The following MAK variants were observed in gnomAD, a reference collection of about 807,000 sequenced individuals.
MAK encodes the protein male germ cell associated kinase.
Under a neutral mutation model 82.6 loss-of-function variants are expected in MAK, and 65 were observed. The ratio of observed to expected loss-of-function variants is 0.79; its 90% CI spans 0.64 to 0.97. The LOEUF (loss-of-function observed/expected upper bound fraction) is 0.97, where lower values mean the gene tolerates loss of function less well. Among genes scored for constraint, MAK ranks in the 50% least tolerant of loss-of-function variants. The pLI, the probability that MAK is intolerant of heterozygous loss-of-function variation, is 0.00. For synonymous variants in MAK, 250 were observed against 274.2 expected (o/e 0.91, Z 0.87); for missense variants, 703 against 780.2 (o/e 0.90, Z 1.18).
chr6:10,819,006 T>C, intron 2 of MAK, 66 bp from the exon 3 acceptor site: 4 of 881,824 alleles, frequency 4.5e-6, no homozygotes, highest in East Asian at 2.5e-5. Context: ...ATTACACTGT[T>C]GGCTTTCTTA....
chr6:10,816,546 C>A (rs185819240), intron 4 of MAK, among the ~76,000 whole-genome samples: 1 of 152,116 alleles, frequency 6.6e-6, no homozygotes, highest in East Asian at 1.9e-4. Flanking sequence ...ATAATCCCAC[C>A]ACCTGATTAA....
At chr6:10,815,755 C>T (rs948157388) in intron 4 of MAK, among the ~76,000 whole-genome samples, 2 of 151,726 alleles carry the variant, frequency 1.3e-5, no homozygotes, top group African/African-American at 4.9e-5. Flanking sequence ...AGCCATCAAG[C>T]TTGGAGTAAA....
rs567659044 is a variant in MAK at position 10,805,746 on chromosome 6, G to A, written c.492-1855C>T. ...AAGTGAGAACTTACTATACTTTGAC[G>A]AATATTTTTACAAGCTTTATTGATA... On this transcript the variant is annotated intron_variant, in intron 6 of 14. Transcript: ENST00000354489. Among the ~76,000 whole-genome samples the A allele has an allele frequency of 9.2e-5, 14 of 152,216 alleles. No individual in the cohort carries two copies. The South Asian group carries it at 2.9e-3, about 32-fold the overall frequency.
chr6:10,770,205 G>A lies in MAK; in HGVS notation c.1698C>T (p.Tyr566=). 1 of 1,614,100 alleles carries A rather than the reference G, an allele frequency of 6.2e-7. No homozygotes were observed. The highest frequency in any genetic ancestry group is 8.5e-7 in the Non-Finnish European group (1 of 1,180,002). ...PQGNLGSYAT[Y]NQSGYIPSFL... ...AGGAAGGAATATATCCTGACTGATT[G>A]TAAGTAGCATAACTTCCAAGATTTC... Residue 566 remains tyrosine, a synonymous_variant, in exon 14 of 15, where the codon TAC becomes TAT. Coordinates refer to ENST00000354489, the MANE Select transcript of MAK (RefSeq NM_001242957.3).
intron 2 of MAK, among the ~76,000 whole-genome samples, chr6:10,824,196 G>A (rs1778182060): frequency 6.6e-6 from 1 of 152,142 alleles, no homozygotes; most frequent in South Asian, 2.1e-4. Flanking sequence ...TGATAACCCT[G>A]CCAGTAGCCT....
At chr6:10,835,733 G>A (rs1779107599) in intron 1 of MAK, among the ~76,000 whole-genome samples, 1 of 152,230 alleles carries the variant, frequency 6.6e-6, no homozygotes, top group South Asian at 2.1e-4. Flanking sequence ...GGGAATGGAA[G>A]AGGGAGCTGC....
At chr6:10,779,831 C>T (rs980013992) in intron 11 of MAK, among the ~76,000 whole-genome samples, 1 of 152,062 alleles carries the variant, frequency 6.6e-6, no homozygotes, top group African/African-American at 2.4e-5. Context: ...ATTACAGGCA[C>T]CCGCCACCAT....
At chr6:10,823,050 T>C (rs780236697) in intron 2 of MAK, among the ~76,000 whole-genome samples, 51 of 152,356 alleles carry the variant, frequency 3.3e-4, no homozygotes, top group Admixed American at 9.8e-4. Flanking sequence ...CAGTTTTGAC[T>C]GCATTTCTAG....
At chr6:10,832,674 A>G (rs1165622660) in intron 1 of MAK, among the ~76,000 whole-genome samples, 1 of 151,824 alleles carries the variant, frequency 6.6e-6, no homozygotes, top group African/African-American at 2.4e-5. Context: ...ATTTTTTGTA[A>G]TTTTAGTAGA....
At chr6:10,801,041 T>TTTTTTTTTTTTTTTTTTTTTTTTGAG (rs1561969888) in intron 8 of MAK, among the ~76,000 whole-genome samples, 1 of 152,084 alleles carries the variant, frequency 6.6e-6, no homozygotes. Flanking sequence ...TGTCAATTCT[T>TTTTTTTTTTTTTTTTTTTTTTTTGAG]ATGCCAGTAC....
At chr6:10,810,833 G>C (rs1776873136) in intron 5 of MAK, among the ~76,000 whole-genome samples, 1 of 152,100 alleles carries the variant, frequency 6.6e-6, no homozygotes, top group Non-Finnish European at 1.5e-5. Context: ...ACAGGAATGG[G>C]ACCATGTGAT....
chr6:10,775,288 G>A, intron 12 of MAK, 40 bp downstream of exon 12: 14 of 1,606,312 alleles, frequency 8.7e-6, no homozygotes, highest in Non-Finnish European at 1.2e-5. Flanking sequence ...CCTCTATAAA[G>A]GAAAACCCCG....
At chr6:10,771,779 A>T (rs1266958380) in intron 13 of MAK, among the ~76,000 whole-genome samples, 1 of 152,244 alleles carries the variant, frequency 6.6e-6, no homozygotes, top group Admixed American at 6.5e-5. Flanking sequence ...GTTTAACCCT[A>T]CTGAATTTTG....
chr6:10,791,901 A>G, intron 9 of MAK, 54 bp from the exon 10 acceptor site: 1 of 1,568,236 alleles, frequency 6.4e-7, no homozygotes, highest in African/African-American at 1.3e-5. Flanking sequence ...AATGCCTTTC[A>G]TGCACAAGCT....
At chr6:10,792,148 G>GT (rs5874288) in intron 9 of MAK, among the ~76,000 whole-genome samples, 128,296 of 152,156 alleles carry the variant, frequency 0.84, 54,517 homozygotes, top group African/African-American at 0.96. Flanking sequence ...ACTTGGCTAT[G>GT]CTCTTTGGGC....
chr6:10,797,520 A>C, intron 8 of MAK: 1 of 865,812 alleles, frequency 1.2e-6, no homozygotes, highest in Non-Finnish European at 1.4e-6. Context: ...TCTGGTTCAC[A>C]ACGTCAGTAA....
In MAK at chr6:10,764,389, C is replaced by T; in HGVS notation, c.*63G>A. 1 of 1,543,396 alleles carries T rather than the reference C, an allele frequency of 6.5e-7. No homozygotes were observed. Among genetic ancestry groups the T allele is most frequent in the Non-Finnish European group, 8.9e-7 (1 of 1,121,742 alleles). On this transcript the variant is annotated 3_prime_UTR_variant, in exon 15 of 15. Transcript: ENST00000354489. ...GAAATAGACATTTGTAGACATTTCCCAGGGTCAAGGAACTTGCACGTACTC... is the reference window on the plus strand; with the variant it reads ...GAAATAGACATTTGTAGACATTTCCTAGGGTCAAGGAACTTGCACGTACTC...
intron 2 of MAK, among the ~76,000 whole-genome samples, chr6:10,820,149 A>G (rs1264594365): frequency 2.0e-5 from 3 of 152,124 alleles, no homozygotes; most frequent in African/African-American, 7.2e-5. Flanking sequence ...TTCATATTCT[A>G]AAAAATGTTT....
At chr6:10,778,259 GGA>G (rs1435086942) in intron 11 of MAK, among the ~76,000 whole-genome samples, 1 of 152,252 alleles carries the variant, frequency 6.6e-6, no homozygotes, top group South Asian at 2.1e-4. Context: ...TAATGAGAAG[GGA>G]GACAGTTTTA....
Sources: gnomAD v4.1 joint callset for allele counts (sites outside exome capture counted in the v4.1 genomes callset) on GRCh38, gnomAD v4.1.1 for gene constraint, MANE v1.5 for transcripts, NCBI Gene and HGNC (gene_info 2026-07-23, HGNC 2026-07-21) for gene names.